PCDH9: variants seen among roughly 807,000 people sequenced by gnomAD.
PCDH9 encodes protocadherin 9, also known as protocadherin-9.
A neutral mutation model predicts 70.6 loss-of-function variants in PCDH9; 24 were observed. The observed-to-expected ratio is 0.34, with a 90% CI of 0.25 to 0.48. PCDH9 has a LOEUF of 0.48. Ranked by LOEUF, PCDH9 falls within the 20% of genes least tolerant of loss-of-function variation. The pLI is 0.99. For missense variants in PCDH9, 1,281 were observed against 1,503.6 expected (o/e 0.85, Z 2.45); for synonymous variants, 562 against 558.5 (o/e 1.01, Z -0.09).
chr13:66,401,941 T>C (rs1162333523), intron 4 of PCDH9, among the ~76,000 whole-genome samples: 4 of 152,200 alleles, frequency 2.6e-5, no homozygotes, highest in Non-Finnish European at 5.9e-5. Context: ...GACTAAACAG[T>C]ATAAATCAAT....
intron 4 of PCDH9, among the ~76,000 whole-genome samples, chr13:66,382,255 A>G (rs898584432): frequency 6.6e-6 from 1 of 152,200 alleles, no homozygotes; most frequent in African/African-American, 2.4e-5. Context: ...TTCAAATCCA[A>G]TGTGTACTGA....
At position 66,304,546 on chromosome 13, in the gene PCDH9, T is replaced by C. The variant is rs2138048644; in HGVS notation, c.*109A>G. 1.2e-6 allele frequency: 1 copy of C among 809,272 alleles called. No individual in the cohort carries two copies. The highest frequency in any genetic ancestry group is 2.4e-5 in the East Asian group (1 of 40,840). 50.1% of individuals were successfully genotyped at this position (809,272 alleles called of 1,614,324 possible). The stretch of plus-strand genomic sequence containing the variant: ...TGGTGCTAACACAAAGTTATAGGTA[T>C]CCCTGCTAGAAGGGGCATAGTTGTA... On this transcript the variant is annotated 3_prime_UTR_variant, in exon 5 of 5. Coordinates refer to ENST00000377865, the MANE Select transcript of PCDH9 (RefSeq NM_203487.3).
At chr13:66,578,800 AAATT>A (rs1315362912) in intron 4 of PCDH9, among the ~76,000 whole-genome samples, 2 of 152,112 alleles carry the variant, frequency 1.3e-5, no homozygotes. Context: ...TGAGCTAAGA[AAATT>A]AATTCAGTAG....
chr13:66,422,085 A>C (rs1566313097), intron 4 of PCDH9, among the ~76,000 whole-genome samples: 1 of 152,222 alleles, frequency 6.6e-6, no homozygotes, highest in Non-Finnish European at 1.5e-5. Flanking sequence ...ATAATGGTAA[A>C]GGGATCAATG....
At chr13:66,909,726 G>C (rs1192844702) in intron 2 of PCDH9, among the ~76,000 whole-genome samples, 3 of 152,178 alleles carry the variant, frequency 2.0e-5, no homozygotes, top group African/African-American at 7.2e-5. Context: ...CTGAGCATTT[G>C]GCTTAGTCAT....
chr13:67,108,113 C>T (rs1594522218), intron 2 of PCDH9, among the ~76,000 whole-genome samples: 1 of 152,344 alleles, frequency 6.6e-6, no homozygotes, highest in East Asian at 1.9e-4. Flanking sequence ...ACTCCTCTCA[C>T]TGCTCCACAC....
At chr13:67,039,457 C>T (rs992121107) in intron 2 of PCDH9, among the ~76,000 whole-genome samples, 1 of 152,158 alleles carries the variant, frequency 6.6e-6, no homozygotes, top group African/African-American at 2.4e-5. Flanking sequence ...CAGACCACAC[C>T]TCATGCCCCA....
At chr13:66,767,789 G>C (rs75227945) in intron 3 of PCDH9, among the ~76,000 whole-genome samples, 2 of 151,996 alleles carry the variant, frequency 1.3e-5, no homozygotes, top group African/African-American at 4.8e-5. Flanking sequence ...TTTCACCAAA[G>C]AGATATTAAG....
At chr13:66,512,619 T>G (rs1269796531) in intron 4 of PCDH9, among the ~76,000 whole-genome samples, 10 of 152,060 alleles carry the variant, frequency 6.6e-5, no homozygotes, top group African/African-American at 2.4e-4. Context: ...TCAGTTTGCC[T>G]ATATTATTTC....
chr13:66,495,432 T>C (rs1245603175), intron 4 of PCDH9, among the ~76,000 whole-genome samples: 3 of 152,224 alleles, frequency 2.0e-5, no homozygotes, highest in African/African-American at 7.2e-5. Context: ...TCAGCTGTTA[T>C]TTTATTCAAC....
intron 3 of PCDH9, among the ~76,000 whole-genome samples, chr13:66,751,642 CTCTT>C (rs2079461069): frequency 6.6e-6 from 1 of 152,194 alleles, no homozygotes. Flanking sequence ...TTCAATAAGA[CTCTT>C]TACTTCAATC....
At chr13:66,797,345 T>G (rs1433120205) in intron 3 of PCDH9, among the ~76,000 whole-genome samples, 1 of 152,132 alleles carries the variant, frequency 6.6e-6, no homozygotes, top group East Asian at 1.9e-4. Context: ...TATTTAAAAG[T>G]AATTTATACC....
At chr13:66,822,960 TA>T (rs1467232904) in intron 3 of PCDH9, among the ~76,000 whole-genome samples, 1 of 152,116 alleles carries the variant, frequency 6.6e-6, no homozygotes, top group Non-Finnish European at 1.5e-5. Flanking sequence ...TATTTGTGTA[TA>T]AAACTCTATT....
intron 3 of PCDH9, among the ~76,000 whole-genome samples, chr13:66,847,446 G>A (rs553846302): frequency 6.6e-6 from 1 of 152,218 alleles, no homozygotes; most frequent in East Asian, 1.9e-4. Context: ...ACATAATAAA[G>A]TTTATAAGTT....
intron 4 of PCDH9, among the ~76,000 whole-genome samples, chr13:66,429,400 T>C (rs754120122): frequency 1.8e-4 from 26 of 148,174 alleles, no homozygotes; most frequent in Non-Finnish European, 3.7e-4. Context: ...TGATTTGATG[T>C]TTTTCTTTTA....
At chr13:66,984,068 T>C (rs2083837086) in intron 2 of PCDH9, among the ~76,000 whole-genome samples, 1 of 152,126 alleles carries the variant, frequency 6.6e-6, no homozygotes, top group African/African-American at 2.4e-5. Flanking sequence ...TTTATATATC[T>C]TTTATTCATA....
At chr13:67,114,270 G>A (rs987943874) in intron 2 of PCDH9, among the ~76,000 whole-genome samples, 1 of 152,034 alleles carries the variant, frequency 6.6e-6, no homozygotes, top group Non-Finnish European at 1.5e-5. Flanking sequence ...CAGATAAAGT[G>A]TATATCTGTT....
Position 66,633,983 on chromosome 13 carries a change from A to G in PCDH9, c.3139-2572T>C, listed in dbSNP as rs138541679. On this transcript the variant is annotated intron_variant, in intron 3 of 4. Transcript: ENST00000377865. ...ATGATTACACTGAAAAGAAAAACTA[A>G]AACATTGTTTTCCAAAACTATTTCA... Among the ~76,000 whole-genome samples, 92 of 152,342 alleles carry G rather than the reference A, an allele frequency of 6.0e-4. No individual in the cohort carries two copies. In the East Asian group the frequency reaches 0.017, roughly 28 times the overall value.
intron 2 of PCDH9, chr13:67,201,304 A>C (rs2138052696): frequency 6.6e-6 from 1 of 152,162 alleles, no homozygotes; most frequent in South Asian, 2.1e-4. Context: ...ATATAGCCAA[A>C]AATGGAACGT....
Sources: gnomAD v4.1 joint callset for allele counts (sites outside exome capture counted in the v4.1 genomes callset) on GRCh38, gnomAD v4.1.1 for gene constraint, MANE v1.5 for transcripts, NCBI Gene and HGNC (gene_info 2026-07-23, HGNC 2026-07-21) for gene names.